The following ASAP1 variants were observed in gnomAD, a reference collection of about 807,000 sequenced individuals.
ASAP1 encodes ArfGAP with SH3 domain, ankyrin repeat and PH domain 1, also known as arf-GAP with SH3 domain, ANK repeat and PH domain-containing protein 1.
Under a neutral mutation model 145.2 loss-of-function variants are expected in ASAP1, and 43 were observed. That is an observed-to-expected ratio of 0.30 (90% CI 0.23 to 0.38). ASAP1 has a LOEUF of 0.38. Among genes scored for constraint, ASAP1 ranks in the 10% least tolerant of loss-of-function variants. The pLI, the probability that ASAP1 is intolerant of heterozygous loss-of-function variation, is 1.00. For missense variants in ASAP1, 1,018 were observed against 1,355.3 expected (o/e 0.75, Z 3.91); for synonymous variants, 546 against 515.5 (o/e 1.06, Z -0.80).
intron 9 of ASAP1, among the ~76,000 whole-genome samples, chr8:130,174,091 CAAAAAAAAA>C (rs57123447): frequency 8.0e-5 from 5 of 62,732 alleles, no homozygotes; most frequent in Non-Finnish European, 1.1e-4. Flanking sequence ...ACTCCGTCTC[CAAAAAAAAA>C]AAAAAAAAAA....
chr8:130,202,461 G>C (rs1379674971), intron 5 of ASAP1, among the ~76,000 whole-genome samples: 1 of 152,162 alleles, frequency 6.6e-6, no homozygotes, highest in Non-Finnish European at 1.5e-5. Context: ...GTGGGCACTT[G>C]GTAACTGCTG....
In ASAP1 at chr8:130,313,537, T is replaced by C. The variant is rs1823483659; in HGVS notation, c.186+44480A>G. ...CGAGTAACAGACTACCCTTGTGGGA[T>C]TCTCAAATTACAGTTATATTGCCCA... On this transcript the variant is annotated intron_variant, in intron 3 of 29. Coordinates refer to ENST00000518721, the MANE Select transcript of ASAP1 (RefSeq NM_018482.4). Among the ~76,000 whole-genome samples, 6 of 152,206 alleles carry C rather than the reference T, an allele frequency of 3.9e-5. No individual in the cohort carries two copies. In the South Asian group the frequency reaches 1.2e-3, roughly 31 times the overall value.
At chr8:130,149,068 G>A (rs2097640174) in intron 13 of ASAP1, among the ~76,000 whole-genome samples, 1 of 143,640 alleles carries the variant, frequency 7.0e-6, no homozygotes, top group African/African-American at 2.6e-5. Context: ...GGCTGGTCTC[G>A]AACTCCTGGG....
At chr8:130,069,290 C>G (rs1283394596) in intron 27 of ASAP1, among the ~76,000 whole-genome samples, 1 of 152,148 alleles carries the variant, frequency 6.6e-6, no homozygotes, top group Non-Finnish European at 1.5e-5. Flanking sequence ...GGCTGGAGTG[C>G]AGTGGCGTGA....
chr8:130,359,187 A>T (rs76106903), intron 2 of ASAP1, among the ~76,000 whole-genome samples: 8 of 152,184 alleles, frequency 5.3e-5, no homozygotes, highest in African/African-American at 1.9e-4. Context: ...TTTAAAAAAA[A>T]TAATTTTCTA....
intron 3 of ASAP1, among the ~76,000 whole-genome samples, chr8:130,343,280 C>T (rs543540219): frequency 6.6e-6 from 1 of 152,272 alleles, no homozygotes; most frequent in East Asian, 1.9e-4. Context: ...AAGGCGGATA[C>T]GGGCTGATAA....
At chr8:130,185,729 C>CAAAAAAA (rs778486303) in intron 7 of ASAP1, among the ~76,000 whole-genome samples, 91 of 56,256 alleles carry the variant, frequency 1.6e-3, no homozygotes, top group East Asian at 2.5e-3. Context: ...AACTCCGCCT[C>CAAAAAAA]AAAAAAAAAA....
chr8:130,098,195 T>C (rs1191669407), intron 24 of ASAP1, among the ~76,000 whole-genome samples: 3 of 152,138 alleles, frequency 2.0e-5, no homozygotes, highest in Non-Finnish European at 2.9e-5. Context: ...AGCAGCTACG[T>C]CCAGGCAGAA....
At chr8:130,146,782 C>G (rs1258638358) in intron 13 of ASAP1, among the ~76,000 whole-genome samples, 1 of 152,154 alleles carries the variant, frequency 6.6e-6, no homozygotes, top group Non-Finnish European at 1.5e-5. Context: ...GGAGAAGAGA[C>G]ACATCCAATT....
At chr8:130,114,365 T>C (rs2097551395) in intron 23 of ASAP1, among the ~76,000 whole-genome samples, 1 of 152,180 alleles carries the variant, frequency 6.6e-6, no homozygotes. Context: ...TGGTAATTAC[T>C]TGTGTATCTA....
chr8:130,297,542 C>T (rs1822361685), intron 3 of ASAP1, among the ~76,000 whole-genome samples: 1 of 152,182 alleles, frequency 6.6e-6, no homozygotes, highest in African/African-American at 2.4e-5. Context: ...AATCTGATTC[C>T]ACAGCCCAGG....
Position 130,060,528 on chromosome 8 carries a change from T to C in ASAP1, c.3192+51A>G, listed in dbSNP as rs1328506119. The stretch of plus-strand genomic sequence containing the variant: ...TTGGAGCACCTGCCCTCCCACCAAC[T>C]TGCAAAGTGCGGAATAGGGTTCCTA... On this transcript the variant is annotated intron_variant, in intron 28 of 29. Transcript: ENST00000518721. 1 of 1,530,736 alleles carries C rather than the reference T, an allele frequency of 6.5e-7. No homozygotes were observed. The highest frequency in any genetic ancestry group is 2.1e-5 in the Admixed American group (1 of 46,766). The allele number at this position is 1,530,736 out of a possible 1,614,324, so 94.8% of individuals were successfully genotyped here. A position where few individuals can be genotyped will look rare whatever the true frequency, so the allele number is the denominator to read the frequency against.
chr8:130,219,366 G>A (rs1817148184), intron 4 of ASAP1, among the ~76,000 whole-genome samples: 1 of 152,150 alleles, frequency 6.6e-6, no homozygotes, highest in Non-Finnish European at 1.5e-5. Context: ...TCTGGTGGAG[G>A]AAATAGCAAG....
chr8:130,097,675 C>T (rs1192754299), intron 24 of ASAP1, among the ~76,000 whole-genome samples: 2 of 152,226 alleles, frequency 1.3e-5, no homozygotes, highest in Non-Finnish European at 2.9e-5. Context: ...CTGGCAGGCC[C>T]ACGGGCAGTT....
intron 3 of ASAP1, among the ~76,000 whole-genome samples, chr8:130,242,004 A>C (rs1229318191): frequency 1.3e-5 from 2 of 152,090 alleles, no homozygotes; most frequent in Non-Finnish European, 2.9e-5. Context: ...AGTACATAAC[A>C]ATAAAATATT....
chr8:130,161,042 G>A (rs992312017), intron 11 of ASAP1, among the ~76,000 whole-genome samples: 2 of 152,098 alleles, frequency 1.3e-5, no homozygotes, highest in African/African-American at 4.8e-5. Context: ...ACAGAAACAT[G>A]GCTAAATAGA....
At chr8:130,215,701 G>A (rs746585232) in intron 4 of ASAP1, among the ~76,000 whole-genome samples, 41 of 152,158 alleles carry the variant, frequency 2.7e-4, no homozygotes, top group African/African-American at 8.4e-4. Context: ...CCGAGACCGC[G>A]TCACTGCACT....
At chr8:130,376,594 C>T (rs1827505284) in intron 2 of ASAP1, among the ~76,000 whole-genome samples, 1 of 152,034 alleles carries the variant, frequency 6.6e-6, no homozygotes, top group African/African-American at 2.4e-5. Flanking sequence ...GCCATGATGG[C>T]GCGTGCCTGT....
At chr8:130,338,774 A>T (rs1217977054) in intron 3 of ASAP1, among the ~76,000 whole-genome samples, 1 of 152,224 alleles carries the variant, frequency 6.6e-6, no homozygotes, top group African/African-American at 2.4e-5. Flanking sequence ...TGCTCCACAC[A>T]GAGAGCCAGC....
Sources: allele counts gnomAD v4.1 joint callset (sites outside exome capture counted in the v4.1 genomes callset), GRCh38; gene constraint gnomAD v4.1.1; transcripts MANE v1.5; gene names NCBI Gene and HGNC (gene_info 2026-07-23, HGNC 2026-07-21).